The following NR1H4 variants were observed in gnomAD, a reference collection of about 807,000 sequenced individuals.
The protein encoded by NR1H4 is nuclear receptor subfamily 1 group H member 4.
In NR1H4, 23 loss-of-function variants were observed where a neutral mutation model predicts 58.5. That is an observed-to-expected ratio of 0.39 (90% CI 0.28 to 0.56). NR1H4 has a LOEUF of 0.56. NR1H4 is among the 20% of genes least tolerant of loss of function. The probability of loss-of-function intolerance (pLI) is 0.58; values close to 1 mark genes in which losing one functional copy is unlikely to be tolerated. For missense variants in NR1H4, 487 were observed against 576.9 expected (o/e 0.84, Z 1.60); for synonymous variants, 214 against 198.0 (o/e 1.08, Z -0.68).
rs966622127 is a variant in NR1H4, at chr12:100,564,195, G to T, written c.*706G>T. Reference sequence around the variant, plus strand: ...AGCTAACTGCAGTGATGGGACCTTCGCTTTCCTCTCTTAAAAGTGAGGAAA... The same window carrying T: ...AGCTAACTGCAGTGATGGGACCTTCTCTTTCCTCTCTTAAAAGTGAGGAAA... On this transcript the variant is annotated 3_prime_UTR_variant, in exon 11 of 11. Transcript: ENST00000392986. 1 of 152,124 alleles carries T rather than the reference G, an allele frequency of 6.6e-6. No individual in the cohort carries two copies. Among genetic ancestry groups the T allele is most frequent in the Admixed American group, 6.6e-5 (1 of 15,266 alleles). 9.4% of individuals were successfully genotyped at this position (152,124 alleles called of 1,614,324 possible).
intron 9 of NR1H4, among the ~76,000 whole-genome samples, chr12:100,552,568 A>G (rs1955226843): frequency 6.6e-6 from 1 of 152,208 alleles, no homozygotes; most frequent in Non-Finnish European, 1.5e-5. Context: ...TTTAACATGC[A>G]TTTATTAATC....
At chr12:100,560,353 C>T (rs910285747) in intron 9 of NR1H4, among the ~76,000 whole-genome samples, 2 of 152,052 alleles carry the variant, frequency 1.3e-5, no homozygotes, top group Non-Finnish European at 2.9e-5. Context: ...TGCAATAACT[C>T]TTGCTACTGC....
intron 4 of NR1H4, among the ~76,000 whole-genome samples, chr12:100,513,624 A>G (rs1954181150): frequency 6.6e-6 from 1 of 152,108 alleles, no homozygotes. Context: ...GTGAAACCCC[A>G]TCTCTACTAA....
chr12:100,531,991 G>A (rs1480370706), intron 4 of NR1H4, among the ~76,000 whole-genome samples: 1 of 152,072 alleles, frequency 6.6e-6, no homozygotes, highest in African/African-American at 2.4e-5. Context: ...CCAAACTGAG[G>A]AATCTGTGTG....
At chr12:100,503,353 T>C in intron 3 of NR1H4, 1 of 1,586,812 alleles carries the variant, frequency 6.3e-7, no homozygotes, top group Non-Finnish European at 8.5e-7. Context: ...ACTCCTTACC[T>C]AGTCTCATTT....
intron 8 of NR1H4, among the ~76,000 whole-genome samples, chr12:100,538,627 G>A (rs892945170): frequency 5.9e-5 from 9 of 152,118 alleles, no homozygotes; most frequent in South Asian, 2.1e-4. Flanking sequence ...TTGAAATCCC[G>A]TAGTCTAGAA....
chr12:100,513,561 G>A (rs1270168870), intron 4 of NR1H4, among the ~76,000 whole-genome samples: 2 of 152,172 alleles, frequency 1.3e-5, no homozygotes, highest in East Asian at 1.9e-4. Context: ...ATGGGAGGCC[G>A]AGGTGGGGGG....
intron 1 of NR1H4, among the ~76,000 whole-genome samples, chr12:100,481,232 G>C (rs779036622): frequency 1.3e-5 from 2 of 151,866 alleles, no homozygotes; most frequent in Non-Finnish European, 2.9e-5. Context: ...CCATGAGTAA[G>C]AGGCATAATA....
At chr12:100,548,370 T>TAAA (rs11304340) in intron 9 of NR1H4, among the ~76,000 whole-genome samples, 2 of 137,592 alleles carry the variant, frequency 1.5e-5, no homozygotes, top group Non-Finnish European at 3.2e-5. Context: ...CCATCTCAAT[T>TAAA]AAAAAAAAAA....
At chr12:100,545,676 G>T (rs912423765) in intron 9 of NR1H4, among the ~76,000 whole-genome samples, 1 of 129,610 alleles carries the variant, frequency 7.7e-6, no homozygotes. Context: ...AAAACCAAAC[G>T]GGGGGCATAT....
At chr12:100,538,259 A>G (rs998684092) in intron 8 of NR1H4, among the ~76,000 whole-genome samples, 2 of 152,178 alleles carry the variant, frequency 1.3e-5, no homozygotes, top group African/African-American at 2.4e-5. Flanking sequence ...GAAATGACTT[A>G]ATCAGGTTCA....
chr12:100,486,023 T>C lies in NR1H4; in HGVS notation c.-189-6480T>C, dbSNP rs186203627. Reference sequence around the variant, plus strand: ...TTTTTTGTACATGTCACTGTATACATATATTTGAAAACCTATGAAAGATTC... The same window carrying C: ...TTTTTTGTACATGTCACTGTATACACATATTTGAAAACCTATGAAAGATTC... On this transcript the variant is annotated intron_variant, in intron 1 of 10. Transcript: ENST00000392986. Among the ~76,000 whole-genome samples, 1,252 of 152,298 alleles carry C rather than the reference T, an allele frequency of 8.2e-3. 8 individuals are homozygous for C. The highest frequency in any genetic ancestry group is 0.02 in the Middle Eastern group (6 of 294).
intron 4 of NR1H4, among the ~76,000 whole-genome samples, chr12:100,522,915 C>T (rs976411877): frequency 6.6e-6 from 1 of 152,160 alleles, no homozygotes; most frequent in Non-Finnish European, 1.5e-5. Flanking sequence ...AATGGTATTC[C>T]ATGGTGTATA....
intron 1 of NR1H4, among the ~76,000 whole-genome samples, chr12:100,479,519 C>T (rs1381458002): frequency 6.6e-6 from 1 of 152,240 alleles, no homozygotes; most frequent in Non-Finnish European, 1.5e-5. Context: ...CAGAACACAG[C>T]ATGCTATTTT....
chr12:100,497,787 C>T (rs1385072175), intron 3 of NR1H4, among the ~76,000 whole-genome samples: 1 of 152,152 alleles, frequency 6.6e-6, no homozygotes, highest in African/African-American at 2.4e-5. Flanking sequence ...TCCACAGCTC[C>T]CCACCATCTG....
chr12:100,535,981 A>G (rs1954804124), intron 6 of NR1H4, among the ~76,000 whole-genome samples: 1 of 152,164 alleles, frequency 6.6e-6, no homozygotes, highest in Non-Finnish European at 1.5e-5. Flanking sequence ...AGTAGCAGAG[A>G]CAATACATAA....
rs1440829104 is a variant in NR1H4 at position 100,473,980 on chromosome 12, C to T, written c.-269C>T. ...GGATTCTGAGCATTTGTAGCAAAAT[C>T]GCTGGGATCTGGAGAGGAAGACTCA... On this transcript the variant is annotated 5_prime_UTR_variant, in exon 1 of 11. Coordinates refer to ENST00000392986, the MANE Select transcript of NR1H4 (RefSeq NM_001206979.2). 3 of 152,178 alleles carry T rather than the reference C, an allele frequency of 2.0e-5. No individual in the cohort carries two copies. The highest frequency in any genetic ancestry group is 2.9e-5 in the Non-Finnish European group (2 of 68,058). 9.4% of individuals were successfully genotyped at this position (152,178 alleles called of 1,614,324 possible). A position where few individuals can be genotyped will look rare whatever the true frequency, so the allele number is the denominator to read the frequency against.
At position 100,504,254 on chromosome 12, in the gene NR1H4, T is replaced by A. The variant is rs750925385; in HGVS notation, c.80-6524T>A. Among the ~76,000 whole-genome samples, 161 of 152,298 alleles carry A rather than the reference T, an allele frequency of 1.1e-3. 2 individuals are homozygous for A. Among genetic ancestry groups the A allele is most frequent in the Admixed American group, 1.8e-3 (28 of 15,298 alleles). ...ATGTAAATCATATTTTAATATTTTT[T>A]AAAACAGAAATTCATCTTTTAAATT... On this transcript the variant is annotated intron_variant, in intron 3 of 10. Transcript: ENST00000392986.
rs1409424864 is a variant in NR1H4 at position 100,505,934 on chromosome 12, C to T, written c.80-4844C>T. 6 of 268,270 alleles carry T rather than the reference C, an allele frequency of 2.2e-5. No individual in the cohort carries two copies. The Admixed American group carries it at 3.0e-4, about 13-fold the overall frequency. 16.6% of individuals were successfully genotyped at this position (268,270 alleles called of 1,614,324 possible). ...ACAAACAAGAGAAAGGCTGGGCCTT[C>T]GTATGTGTCTTTTCACTTTCATATG... is the stretch of plus-strand genomic sequence containing the variant. On this transcript the variant is annotated intron_variant, in intron 3 of 10. Transcript: ENST00000392986.
Sources: allele counts gnomAD v4.1 joint callset (sites outside exome capture counted in the v4.1 genomes callset), GRCh38; gene constraint gnomAD v4.1.1; transcripts MANE v1.5; gene names NCBI Gene and HGNC (gene_info 2026-07-23, HGNC 2026-07-21).